HFM1: variants seen among roughly 807,000 people sequenced by gnomAD.
HFM1 encodes helicase for meiosis 1.
Under a neutral mutation model 192.1 loss-of-function variants are expected in HFM1, and 169 were observed. The ratio of observed to expected loss-of-function variants is 0.88; its 90% CI spans 0.78 to 1.00. The LOEUF (loss-of-function observed/expected upper bound fraction) is 1.00. HFM1 is among the 50% of genes least tolerant of loss of function. The pLI is 0.00. For synonymous variants in HFM1, 525 were observed against 537.8 expected (o/e 0.98, Z 0.33); for missense variants, 1,661 against 1,668.0 (o/e 1.00, Z 0.07).
At chr1:91,380,263 G>T (rs1661400375) in intron 7 of HFM1, 27 bp from the exon 8 acceptor site, 1 of 1,397,276 alleles carries the variant, frequency 7.2e-7, no homozygotes, top group Non-Finnish European at 9.7e-7. Flanking sequence ...AATCAATCAT[G>T]TAACATATAG....
intron 20 of HFM1, chr1:91,328,420 G>A (rs1653258874): frequency 6.2e-7 from 1 of 1,603,130 alleles, no homozygotes; most frequent in East Asian, 2.2e-5. Flanking sequence ...TGCTGATGTG[G>A]CCCCCAGTGC....
intron 30 of HFM1, among the ~76,000 whole-genome samples, chr1:91,311,536 G>T (rs185563627): frequency 1.1e-4 from 17 of 151,820 alleles, no homozygotes; most frequent in Non-Finnish European, 2.2e-4. Context: ...AGAGACAGGA[G>T]AATTGCTTGA....
At chr1:91,267,929 G>T in intron 34 of HFM1, 74 bp from the exon 35 acceptor site, 1 of 797,496 alleles carries the variant, frequency 1.3e-6, no homozygotes, top group Non-Finnish European at 2.0e-6. Flanking sequence ...TTCTGTTGAA[G>T]AACACTGTTT....
rs142237118 is a variant in HFM1, at chr1:91,395,940, C to T, written c.184+353G>A. Among the ~76,000 whole-genome samples, 184 of 151,920 alleles carry T rather than the reference C, an allele frequency of 1.2e-3. 1 individual carries two copies. The highest frequency in any genetic ancestry group is 4.1e-3 in the African/African-American group (169 of 41,408). ...CTCAGCTAACTGCAACCTCTGCCTC[C>T]TGGGTTCAAGCCATTCTCCTGCCTC... On this transcript the variant is annotated intron_variant, in intron 3 of 38. Transcript: ENST00000370425.
intron 11 of HFM1, 59 bp from the exon 12 acceptor site, chr1:91,375,786 AAAC>A (rs1228949917): frequency 2.4e-5 from 34 of 1,413,204 alleles, no homozygotes; most frequent in Non-Finnish European, 3.1e-5. Flanking sequence ...TTATTGCTAA[AAAC>A]AACCCAATTA....
chr1:91,277,931 A>G (rs1667096887), intron 30 of HFM1, among the ~76,000 whole-genome samples: 1 of 136,638 alleles, frequency 7.3e-6, no homozygotes, highest in Non-Finnish European at 1.5e-5. Context: ...TATATAATAT[A>G]TATACTTTAT....
At chr1:91,360,189 C>T (rs1385777446) in intron 13 of HFM1, among the ~76,000 whole-genome samples, 3 of 152,142 alleles carry the variant, frequency 2.0e-5, no homozygotes, top group Non-Finnish European at 4.4e-5. Context: ...CAAATTCACA[C>T]ATAACAATAC....
intron 11 of HFM1, 47 bp downstream of exon 11, chr1:91,377,978 T>A: frequency 6.5e-7 from 1 of 1,538,486 alleles, no homozygotes; most frequent in Non-Finnish European, 8.9e-7. Context: ...ACTAAATATT[T>A]CACAAGTCAT....
intron 20 of HFM1, among the ~76,000 whole-genome samples, chr1:91,338,026 A>G (rs1571003246): frequency 1.3e-5 from 2 of 152,160 alleles, no homozygotes; most frequent in Non-Finnish European, 2.9e-5. Flanking sequence ...AGCTGGGAAC[A>G]CTGCAGTGGG....
chr1:91,356,642 A>T (rs937576767), intron 13 of HFM1, among the ~76,000 whole-genome samples: 2 of 152,212 alleles, frequency 1.3e-5, no homozygotes, highest in East Asian at 3.9e-4. Flanking sequence ...TCCACCAAAA[A>T]AACATAGAAA....
At chr1:91,364,934 G>A (rs12081508) in intron 13 of HFM1, among the ~76,000 whole-genome samples, 3 of 151,182 alleles carry the variant, frequency 2.0e-5, no homozygotes, top group Admixed American at 2.0e-4. Flanking sequence ...CGCCTGGTGT[G>A]TATATATATA....
chr1:91,331,440 A>C (rs1653804321), intron 20 of HFM1, among the ~76,000 whole-genome samples: 2 of 152,204 alleles, frequency 1.3e-5, no homozygotes, highest in South Asian at 4.1e-4. Flanking sequence ...TTAAAACTAT[A>C]AAACACTGAT....
intron 18 of HFM1, among the ~76,000 whole-genome samples, chr1:91,349,285 C>CAA (rs33918216): frequency 6.7e-6 from 1 of 148,422 alleles, no homozygotes; most frequent in South Asian, 2.1e-4. Flanking sequence ...GAGGCTATCT[C>CAA]AAAAAAAAAA....
At chr1:91,349,156 G>C (rs771669858) in intron 18 of HFM1, among the ~76,000 whole-genome samples, 5 of 152,022 alleles carry the variant, frequency 3.3e-5, no homozygotes, top group Admixed American at 6.6e-5. Context: ...AGGTGTGGTG[G>C]TGCGTGCCTG....
chr1:91,313,523 T>C, intron 29 of HFM1, 28 bp from the exon 30 acceptor site: 2 of 1,499,914 alleles, frequency 1.3e-6, no homozygotes, highest in Non-Finnish European at 1.8e-6. Flanking sequence ...AGTACACAAA[T>C]GTTTATTTGT....
chr1:91,329,824 G>T (rs377137444), intron 20 of HFM1, among the ~76,000 whole-genome samples: 12 of 152,324 alleles, frequency 7.9e-5, no homozygotes, highest in Admixed American at 5.9e-4. Context: ...TTTTGGAGAA[G>T]AGAGAGGGAG....
At chr1:91,393,671 G>A (rs938138892) in intron 4 of HFM1, among the ~76,000 whole-genome samples, 2 of 152,036 alleles carry the variant, frequency 1.3e-5, no homozygotes, top group Non-Finnish European at 1.5e-5. Context: ...CTTTCAAGTG[G>A]ACCTTCATAT....
chr1:91,353,396 T>A lies in HFM1; in HGVS notation c.1686-97A>T, dbSNP rs1657227438. ...TTTAAAACTTAGAGATATCAAAAAA[T>A]TTTCACAATATCATTATCTGAAAAC... On this transcript the variant is annotated intron_variant, in intron 13 of 38. Transcript: ENST00000370425. 4.7e-6 allele frequency: 3 copies of A among 638,750 alleles called. No homozygotes were observed. The East Asian group carries it at 8.7e-5, about 18-fold the overall frequency. The allele number at this position is 638,750 out of a possible 1,614,324, so 39.6% of individuals were successfully genotyped here.
At chr1:91,292,968 A>C (rs1668955919) in intron 30 of HFM1, among the ~76,000 whole-genome samples, 3 of 152,150 alleles carry the variant, frequency 2.0e-5, no homozygotes, top group Non-Finnish European at 4.4e-5. Context: ...TTCCCTATTT[A>C]ATAAATGGTG....
Sources: allele counts gnomAD v4.1 joint callset (sites outside exome capture counted in the v4.1 genomes callset), GRCh38; gene constraint gnomAD v4.1.1; transcripts MANE v1.5; gene names NCBI Gene and HGNC (gene_info 2026-07-23, HGNC 2026-07-21).